The following ADAMTS4 variants were observed in gnomAD, a reference collection of about 807,000 sequenced individuals.
ADAMTS4 encodes the protein ADAM metallopeptidase with thrombospondin type 1 motif 4.
In ADAMTS4, 38 loss-of-function variants were observed where a neutral mutation model predicts 66.7. The observed-to-expected ratio is 0.57, with a 90% CI of 0.44 to 0.75. The LOEUF is 0.75. Among genes scored for constraint, ADAMTS4 ranks in the 30% least tolerant of loss-of-function variants. ADAMTS4 has a pLI of 0.00. For missense variants in ADAMTS4, 1,014 were observed against 1,116.7 expected (o/e 0.91, Z 1.31); for synonymous variants, 418 against 461.5 (o/e 0.91, Z 1.21).
At position 161,193,671 on chromosome 1, in the gene ADAMTS4, G is replaced by A. The variant is rs1664735857; in HGVS notation, c.1704C>T (p.Ser568=). The A allele has an allele frequency of 1.2e-6, 2 of 1,613,390 alleles. No homozygotes were observed. Among genetic ancestry groups the A allele is most frequent in the Non-Finnish European group, 1.7e-6 (2 of 1,179,620 alleles). The change falls in exon 6 of 9, where the codon TCC becomes TCT. Residue 568 remains serine (S), a synonymous_variant. Coordinates refer to ENST00000367996, the MANE Select transcript of ADAMTS4 (RefSeq NM_005099.6). The surrounding 1 kb of genome is among the most constrained non-coding windows in gnomAD (Gnocchi z 4.4). ...CAGTTGGGCAGTCCTCAGTGTTGCA[G>A]GAGCGGAAGCGGGTACGGCGGCCCT... is the stretch of plus-strand genomic sequence containing the variant. The part of the protein sequence containing the change: ...YCEGRRTRFR[S]CNTEDCPTGS...
In ADAMTS4 at chr1:161,194,139, C is replaced by G. The variant is rs1664756954; in HGVS notation, c.1344G>C (p.Gln448His). The part of the protein sequence containing the change: ...FPGKDYDADR[Q>H]CQLTFGPDSR... ...AGTCGGGCCCGAAGGTCAGCTGGCA[C>G]TGGCGGTCAGCATCATAGTCCTTGC... Residue 448 changes from glutamine (Q) to histidine (H), a missense_variant, in exon 5 of 9, where the codon CAG becomes CAC. Physicochemically the swap from Gln to His is conservative, Grantham distance 24 (BLOSUM62 0). Coordinates refer to ENST00000367996, the MANE Select transcript of ADAMTS4 (RefSeq NM_005099.6). This position sits in a 1 kb window ranked among gnomAD's most constrained non-coding sequence, Gnocchi z 4.1. 1 of 1,614,226 alleles carries G rather than the reference C, an allele frequency of 6.2e-7. No individual in the cohort carries two copies. Among genetic ancestry groups the G allele is most frequent in the Non-Finnish European group, 8.5e-7 (1 of 1,180,040 alleles).
In ADAMTS4 at chr1:161,187,628, A is replaced by T. The variant is rs1337699342; in HGVS notation, c.*3510T>A. 6.6e-6 allele frequency: 1 copy of T among 152,368 alleles called. No homozygotes were observed. Among genetic ancestry groups the T allele is most frequent in the African/African-American group, 2.4e-5 (1 of 41,428 alleles). 9.4% of individuals were successfully genotyped at this position (152,368 alleles called of 1,614,324 possible). A position where few individuals can be genotyped will look rare whatever the true frequency, so the allele number is the denominator to read the frequency against. On this transcript the variant is annotated 3_prime_UTR_variant, in exon 9 of 9. Coordinates refer to ENST00000367996, the MANE Select transcript of ADAMTS4 (RefSeq NM_005099.6). The stretch of plus-strand genomic sequence containing the variant: ...AAAGCCCAGATCCAGTAAGCATAGC[A>T]CATATAACCACTACAACCTCCATGG...
chr1:161,197,673 G>GGA (rs1213617064), intron 1 of ADAMTS4, among the ~76,000 whole-genome samples: 1 of 152,138 alleles, frequency 6.6e-6, no homozygotes, highest in African/African-American at 2.4e-5. Context: ...GGGGCTGTTA[G>GGA]GAGACCTTTA....
chr1:161,190,846 G>T lies in ADAMTS4; in HGVS notation c.*292C>A. ...ATAAATACTAAATAAATACAACTGG[G>T]GCCCAGGCCCTCCCTGCCTTCCCCC... On this transcript the variant is annotated 3_prime_UTR_variant, in exon 9 of 9. Coordinates refer to ENST00000367996, the MANE Select transcript of ADAMTS4 (RefSeq NM_005099.6). 1 of 346,696 alleles carries T rather than the reference G, an allele frequency of 2.9e-6. No homozygotes were observed. The highest frequency in any genetic ancestry group is 4.3e-5 in the Admixed American group (1 of 23,324). The allele number at this position is 346,696 out of a possible 1,614,324, so 21.5% of individuals were successfully genotyped here. A position where few individuals can be genotyped will look rare whatever the true frequency, so the allele number is the denominator to read the frequency against.
rs201726247 is a variant in ADAMTS4 at position 161,198,355 on chromosome 1, C to A, written c.273G>T (p.Thr91=). The A allele has an allele frequency of 6.2e-7, 1 of 1,613,060 alleles. No individual in the cohort carries two copies. Among genetic ancestry groups the A allele is most frequent in the African/African-American group, 1.3e-5 (1 of 74,936 alleles). The change falls in exon 1 of 9, where the codon ACG becomes ACT. Residue 91 remains threonine, a synonymous_variant. Coordinates refer to ENST00000367996, the MANE Select transcript of ADAMTS4 (RefSeq NM_005099.6). This position sits in a 1 kb window ranked among gnomAD's most constrained non-coding sequence, Gnocchi z 4.7. ...LLCRLQAFGE[T]LLLELEQDSG... Reference sequence around the variant, plus strand: ...AGTCCTGCTCCAGCTCTAGTAGCAGCGTCTCCCCAAAGGCCTGCAAGCGGC... The same window carrying A: ...AGTCCTGCTCCAGCTCTAGTAGCAGAGTCTCCCCAAAGGCCTGCAAGCGGC...
At chr1:161,195,875 C>T in intron 3 of ADAMTS4, 1 of 562,074 alleles carries the variant, frequency 1.8e-6, no homozygotes, top group Non-Finnish European at 3.0e-6. Context: ...TTATAGCCAA[C>T]ATTCCCAACT....
Position 161,188,549 on chromosome 1 carries a change from AG to A in ADAMTS4, c.*2588del, listed in dbSNP as rs1459750803. On this transcript the variant is annotated 3_prime_UTR_variant, in exon 9 of 9. Coordinates refer to ENST00000367996, the MANE Select transcript of ADAMTS4 (RefSeq NM_005099.6). ...TCATCCAGCCCAAAATTCTTTCTCA[AG>A]CAAAGGCGCCTTGCCCAGAGGGGAA... is the stretch of plus-strand genomic sequence containing the variant. The A allele has an allele frequency of 1.3e-5, 2 of 151,140 alleles. No homozygotes were observed. Among genetic ancestry groups the A allele is most frequent in the Non-Finnish European group, 2.9e-5 (2 of 67,858 alleles). 9.4% of individuals were successfully genotyped at this position (151,140 alleles called of 1,614,324 possible). A position where few individuals can be genotyped will look rare whatever the true frequency, so the allele number is the denominator to read the frequency against.
Position 161,193,511 on chromosome 1 carries a change from A to G in ADAMTS4, c.1736-123T>C. On this transcript the variant is annotated intron_variant, in intron 6 of 8. Coordinates refer to ENST00000367996, the MANE Select transcript of ADAMTS4 (RefSeq NM_005099.6). This position sits in a 1 kb window ranked among gnomAD's most constrained non-coding sequence, Gnocchi z 4.4. ...TCTTCCCTGCAGACGGCCAAGGACA[A>G]TTCCCAGAGGTTAAAGGCACTCCCC... 1 of 1,519,532 alleles carries G rather than the reference A, an allele frequency of 6.6e-7. No homozygotes were observed. The highest frequency in any genetic ancestry group is 8.9e-7 in the Non-Finnish European group (1 of 1,125,782). 94.1% of individuals were successfully genotyped at this position (1,519,532 alleles called of 1,614,324 possible). A position where few individuals can be genotyped will look rare whatever the true frequency, so the allele number is the denominator to read the frequency against.
At position 161,185,051 on chromosome 1, in the gene ADAMTS4, G is replaced by C. The variant is rs1016145394; in HGVS notation, c.*6087C>G. 3 of 138,966 alleles carry C rather than the reference G, an allele frequency of 2.2e-5. No individual in the cohort carries two copies. Among genetic ancestry groups the C allele is most frequent in the Admixed American group, 7.4e-5 (1 of 13,524 alleles). 8.6% of individuals were successfully genotyped at this position (138,966 alleles called of 1,614,324 possible). A position where few individuals can be genotyped will look rare whatever the true frequency, so the allele number is the denominator to read the frequency against. Reference sequence around the variant, plus strand: ...AAAAAAGAAGAAAAAGAAAGGCAGGGGGGGAGGGGGGAGGGATAGCATTAG... The same window carrying C: ...AAAAAAGAAGAAAAAGAAAGGCAGGCGGGGAGGGGGGAGGGATAGCATTAG... On this transcript the variant is annotated 3_prime_UTR_variant, in exon 9 of 9. Coordinates refer to ENST00000367996, the MANE Select transcript of ADAMTS4 (RefSeq NM_005099.6).
At chr1:161,192,306 C>T (rs548284574) in intron 7 of ADAMTS4, 66 bp from the exon 8 acceptor site, 34 of 1,507,706 alleles carry the variant, frequency 2.3e-5, no homozygotes, top group African/African-American at 2.2e-4. Flanking sequence ...GTAAATCAAA[C>T]GAGACCCATG....
intron 8 of ADAMTS4, 55 bp downstream of exon 8, chr1:161,192,010 T>G: frequency 6.3e-7 from 1 of 1,585,818 alleles, no homozygotes; most frequent in Non-Finnish European, 8.6e-7. Context: ...CCCCTCTGCA[T>G]CACTAGGACC....
At chr1:161,195,932 C>G (rs1664812242) in intron 3 of ADAMTS4, 2 of 444,454 alleles carry the variant, frequency 4.5e-6, no homozygotes, top group Non-Finnish European at 7.7e-6. Context: ...TACACACACA[C>G]AGACACACAC....
Position 161,193,739 on chromosome 1 carries a change from C to T in ADAMTS4, c.1636G>A (p.Asp546Asn), listed in dbSNP as rs1164707137. Residue 546 changes from aspartate to asparagine, a missense_variant, in exon 6 of 9, where the codon GAC becomes AAC. Transcript: ENST00000367996. The surrounding 1 kb of genome is among the most constrained non-coding windows in gnomAD (Gnocchi z 4.4). ...CGGGVQFSSRDCTRPVPRNGG... is the reference protein window; with the variant it reads ...CGGGVQFSSRNCTRPVPRNGG... The stretch of plus-strand genomic sequence containing the variant: ...TTCCGGGGGACAGGCCTCGTGCAGT[C>T]TCGGGAGGAGAACTGGACACCACCC... 6.2e-7 allele frequency: 1 copy of T among 1,614,018 alleles called. No individual in the cohort carries two copies. The highest frequency in any genetic ancestry group is 1.3e-5 in the African/African-American group (1 of 74,904).
chr1:161,198,647 G>C lies in ADAMTS4; in HGVS notation c.-20C>G. ...GGACATGGCACTGGTACTGCAGCTG[G>C]GAGGGACTGAGGCCGTCTAGGGCAC... On this transcript the variant is annotated 5_prime_UTR_variant, in exon 1 of 9. Transcript: ENST00000367996. This position sits in a 1 kb window ranked among gnomAD's most constrained non-coding sequence, Gnocchi z 4.7. 2 of 1,485,012 alleles carry C rather than the reference G, an allele frequency of 1.3e-6. No homozygotes were observed. Among genetic ancestry groups the C allele is most frequent in the Non-Finnish European group, 1.8e-6 (2 of 1,114,378 alleles). 92.0% of individuals were successfully genotyped at this position (1,485,012 alleles called of 1,614,324 possible).
At position 161,196,731 on chromosome 1, in the gene ADAMTS4, A is replaced by G. The variant is rs146068807; in HGVS notation, c.783T>C (p.Pro261=). ...CTAGCCGAGTCACCACCAAGCTGAC[A>G]GGATTGCGGATGCTTGGGTGCTTGA... ...KAFKHPSIRN[P]VSLVVTRLVI... Residue 261 remains proline (P), a synonymous_variant, in exon 2 of 9, where the codon CCT becomes CCC. Transcript: ENST00000367996. The G allele has an allele frequency of 1.2e-6, 2 of 1,613,726 alleles. No individual in the cohort carries two copies. Among genetic ancestry groups the G allele is most frequent in the African/African-American group, 2.7e-5 (2 of 74,936 alleles).
Position 161,190,950 on chromosome 1 carries a change from T to C in ADAMTS4, c.*188A>G. ...TCAGCCCCTTCCATCCACTAACCCA[T>C]CACTGCCTCCCAGGGCAGGAAACCA... is the stretch of plus-strand genomic sequence containing the variant. On this transcript the variant is annotated 3_prime_UTR_variant, in exon 9 of 9. Coordinates refer to ENST00000367996, the MANE Select transcript of ADAMTS4 (RefSeq NM_005099.6). 8 of 617,294 alleles carry C rather than the reference T, an allele frequency of 1.3e-5. No individual in the cohort carries two copies. Among genetic ancestry groups the C allele is most frequent in the Non-Finnish European group, 2.1e-5 (8 of 377,534 alleles). The allele number at this position is 617,294 out of a possible 1,614,324, so 38.2% of individuals were successfully genotyped here. A position where few individuals can be genotyped will look rare whatever the true frequency, so the allele number is the denominator to read the frequency against.
Position 161,193,628 on chromosome 1 carries a change from C to A in ADAMTS4, c.1735+12G>T. The stretch of plus-strand genomic sequence containing the variant: ...TCCCCTCCCAAGGGCTCCCATCCCC[C>A]CTACTCCTCACCTGAGCCAGTTGGG... On this transcript the variant is annotated intron_variant, in intron 6 of 8. Coordinates refer to ENST00000367996, the MANE Select transcript of ADAMTS4 (RefSeq NM_005099.6). This position sits in a 1 kb window ranked among gnomAD's most constrained non-coding sequence, Gnocchi z 4.4. 1 of 1,602,440 alleles carries A rather than the reference C, an allele frequency of 6.2e-7. No homozygotes were observed. The highest frequency in any genetic ancestry group is 2.2e-5 in the East Asian group (1 of 44,846).
rs1664618980 is a variant in ADAMTS4 at position 161,189,838 on chromosome 1, T to C, written c.*1300A>G. ...TATTATTGGCAAATGAGAAATCTAA[T>C]GCTCAGAGACATGGAGTTAGGATGC... On this transcript the variant is annotated 3_prime_UTR_variant, in exon 9 of 9. Coordinates refer to ENST00000367996, the MANE Select transcript of ADAMTS4 (RefSeq NM_005099.6). 1 of 152,232 alleles carries C rather than the reference T, an allele frequency of 6.6e-6. No homozygotes were observed. The highest frequency in any genetic ancestry group is 1.5e-5 in the Non-Finnish European group (1 of 68,038). 9.4% of individuals were successfully genotyped at this position (152,232 alleles called of 1,614,324 possible).
chr1:161,196,497 T>C (rs781298083), intron 2 of ADAMTS4, 60 bp downstream of exon 2: 23 of 1,560,668 alleles, frequency 1.5e-5, no homozygotes, highest in African/African-American at 2.7e-5. Context: ...TCATAGTCTA[T>C]GTAGTGGCGC....
Sources: allele counts gnomAD v4.1 joint callset (sites outside exome capture counted in the v4.1 genomes callset), GRCh38; gene constraint gnomAD v4.1.1; non-coding constraint Gnocchi (gnomAD v3.1); transcripts MANE v1.5; gene names NCBI Gene and HGNC (gene_info 2026-07-23, HGNC 2026-07-21).